Variants in CAP2 observed in about 807,000 individuals in gnomAD.
CAP2 encodes cyclase associated actin cytoskeleton regulatory protein 2.
CAP2 carries 24 observed loss-of-function variants against 57.7 expected under a neutral mutation model. That is an observed-to-expected ratio of 0.42 (90% CI 0.30 to 0.58). The LOEUF is 0.58. Ranked by LOEUF, CAP2 falls within the 20% of genes least tolerant of loss-of-function variation. CAP2 has a pLI of 0.22. For synonymous variants in CAP2, 194 were observed against 207.2 expected, an observed-to-expected ratio of 0.94 and a Z score of 0.55; for missense variants, 501 against 590.3, an observed-to-expected ratio of 0.85 and a Z score of 1.57.
intron 2 of CAP2, among the ~76,000 whole-genome samples, chr6:17,423,059 C>T (rs951615116): frequency 6.6e-6 from 1 of 152,202 alleles, no homozygotes; most frequent in Non-Finnish European, 1.5e-5. Flanking sequence ...GTCACATGGG[C>T]ACTTCCTCCT....
At chr6:17,482,669 G>A (rs1761322092) in intron 4 of CAP2, among the ~76,000 whole-genome samples, 1 of 152,034 alleles carries the variant, frequency 6.6e-6, no homozygotes, top group Non-Finnish European at 1.5e-5. Context: ...ATCATACTCC[G>A]TCTTTATGTT....
intron 4 of CAP2, among the ~76,000 whole-genome samples, chr6:17,465,142 G>A (rs999771870): frequency 1.7e-4 from 26 of 152,166 alleles, no homozygotes; most frequent in African/African-American, 5.8e-4. Flanking sequence ...GCAGATTCTT[G>A]GGTCATATCT....
At chr6:17,515,177 A>G (rs1762246776) in intron 7 of CAP2, among the ~76,000 whole-genome samples, 1 of 151,960 alleles carries the variant, frequency 6.6e-6, no homozygotes, top group Non-Finnish European at 1.5e-5. Context: ...AGCCTGGGTG[A>G]CAGAGCAAGA....
intron 4 of CAP2, among the ~76,000 whole-genome samples, chr6:17,496,112 C>A (rs925824573): frequency 9.4e-5 from 14 of 149,480 alleles, no homozygotes. Context: ...ATAAGTGAGA[C>A]AACCAGAGAG....
intron 1 of CAP2, among the ~76,000 whole-genome samples, chr6:17,396,504 G>A (rs1362692810): frequency 6.6e-6 from 1 of 152,166 alleles, no homozygotes; most frequent in African/African-American, 2.4e-5. Flanking sequence ...CTACAACATC[G>A]ATGAATCTTG....
chr6:17,551,278 G>C (rs1452383449), intron 11 of CAP2, among the ~76,000 whole-genome samples, 186 bp from the exon 12 acceptor site: 5 of 152,118 alleles, frequency 3.3e-5, no homozygotes, highest in Non-Finnish European at 7.3e-5. Flanking sequence ...TTCTGTCCCT[G>C]AGTGACACCT....
intron 2 of CAP2, among the ~76,000 whole-genome samples, chr6:17,423,633 A>T (rs1759502428): frequency 6.6e-6 from 1 of 152,192 alleles, no homozygotes; most frequent in Non-Finnish European, 1.5e-5. Context: ...AGAAAAAAAA[A>T]ATCTCAATAA....
intron 3 of CAP2, among the ~76,000 whole-genome samples, chr6:17,460,605 T>C (rs1760691755): frequency 1.3e-5 from 2 of 152,202 alleles, no homozygotes; most frequent in Admixed American, 1.3e-4. Context: ...AGAGTGCAAA[T>C]ACATAATTAT....
At chr6:17,487,450 T>G (rs1207952867) in intron 4 of CAP2, among the ~76,000 whole-genome samples, 1 of 143,290 alleles carries the variant, frequency 7.0e-6, no homozygotes, top group Non-Finnish European at 1.5e-5. Flanking sequence ...TGCCACCAGG[T>G]GGGTTTGTTT....
At chr6:17,493,214 T>A (rs1009909551) in intron 4 of CAP2, among the ~76,000 whole-genome samples, 1 of 152,224 alleles carries the variant, frequency 6.6e-6, no homozygotes, top group Non-Finnish European at 1.5e-5. Flanking sequence ...TGTTCATTCA[T>A]GCCTGTTACA....
chr6:17,556,666 G>A lies in CAP2; in HGVS notation c.*224G>A, dbSNP rs531745802. The A allele has an allele frequency of 4.3e-5, 22 of 509,322 alleles. No individual in the cohort carries two copies. Among genetic ancestry groups the A allele is most frequent in the African/African-American group, 4.2e-4 (22 of 52,266 alleles). 31.6% of individuals were successfully genotyped at this position (509,322 alleles called of 1,614,324 possible). A position where few individuals can be genotyped will look rare whatever the true frequency, so the allele number is the denominator to read the frequency against. ...TTTGTGTGTGATTTTAGTTCCACATGATGACTTGTGAACATTAGGGATTTA... is the reference window on the plus strand; with the variant it reads ...TTTGTGTGTGATTTTAGTTCCACATAATGACTTGTGAACATTAGGGATTTA... On this transcript the variant is annotated 3_prime_UTR_variant, in exon 13 of 13. Transcript: ENST00000229922.
intron 2 of CAP2, among the ~76,000 whole-genome samples, chr6:17,425,094 AC>A (rs1392619069): frequency 6.6e-6 from 1 of 152,086 alleles, no homozygotes; most frequent in East Asian, 1.9e-4. Flanking sequence ...TGTTTCCATC[AC>A]CCTTTGGGCC....
At chr6:17,466,552 T>C (rs997077673) in intron 4 of CAP2, among the ~76,000 whole-genome samples, 6 of 152,216 alleles carry the variant, frequency 3.9e-5, no homozygotes, top group Non-Finnish European at 7.3e-5. Context: ...AGACCACTGC[T>C]TCTCAAACTT....
chr6:17,440,066 G>A (rs1289913021), intron 3 of CAP2, among the ~76,000 whole-genome samples: 1 of 151,508 alleles, frequency 6.6e-6, no homozygotes, highest in African/African-American at 2.4e-5. Context: ...GAAAAATGTT[G>A]GAGTTTTTAT....
chr6:17,434,885 C>G (rs1403563028), intron 3 of CAP2, among the ~76,000 whole-genome samples: 4 of 149,884 alleles, frequency 2.7e-5, no homozygotes, highest in African/African-American at 9.9e-5. Context: ...TGAACAGACA[C>G]TTCTCAAAAG....
intron 6 of CAP2, among the ~76,000 whole-genome samples, chr6:17,512,497 T>C (rs1323209234): frequency 6.6e-6 from 1 of 152,164 alleles, no homozygotes; most frequent in Non-Finnish European, 1.5e-5. Flanking sequence ...CATATAAACA[T>C]AGACATATGT....
chr6:17,545,615 G>A (rs1278461917), intron 11 of CAP2, among the ~76,000 whole-genome samples: 1 of 152,138 alleles, frequency 6.6e-6, no homozygotes, highest in Non-Finnish European at 1.5e-5. Flanking sequence ...TGTTACATAT[G>A]TATACATGTG....
intron 4 of CAP2, among the ~76,000 whole-genome samples, chr6:17,479,755 T>A (rs1412258614): frequency 6.6e-6 from 1 of 150,958 alleles, no homozygotes; most frequent in Non-Finnish European, 1.5e-5. Context: ...GGGACTACAG[T>A]CACCCGCCAC....
chr6:17,508,775 G>T (rs1449037079), intron 6 of CAP2, among the ~76,000 whole-genome samples: 1 of 148,356 alleles, frequency 6.7e-6, no homozygotes, highest in Non-Finnish European at 1.5e-5. Flanking sequence ...TTTTGAGATG[G>T]AGTCTCACTC....
Sources: gnomAD v4.1 joint callset for allele counts (sites outside exome capture counted in the v4.1 genomes callset) on GRCh38, gnomAD v4.1.1 for gene constraint, MANE v1.5 for transcripts, NCBI Gene and HGNC (gene_info 2026-07-23, HGNC 2026-07-21) for gene names.